Variants in ZDHHC11 observed in about 807,000 individuals in gnomAD.
ZDHHC11 encodes the protein palmitoyltransferase ZDHHC11.
Under a neutral mutation model 51.3 loss-of-function variants are expected in ZDHHC11, and 44 were observed. The observed-to-expected ratio is 0.86, with a 90% CI of 0.67 to 1.10. ZDHHC11 has a LOEUF of 1.10. Among genes scored for constraint, ZDHHC11 ranks in the 50% least tolerant of loss-of-function variants. ZDHHC11 has a pLI of 0.00. For missense variants in ZDHHC11, 400 were observed against 537.7 expected (o/e 0.74, Z 2.53); for synonymous variants, 163 against 222.0 (o/e 0.73, Z 2.36).
rs1376565367 is a variant in ZDHHC11 at position 840,484 on chromosome 5, G to A, written c.784+11C>T. ...CTTGGGGGGATCGGGGGCTTAGGGT[G>A]GGGGACATACTCAGGTAGATGTGGA... On this transcript the variant is annotated intron_variant, in intron 5 of 12. Coordinates refer to ENST00000283441, the MANE Select transcript of ZDHHC11 (RefSeq NM_024786.3). 3.7e-6 allele frequency: 6 copies of A among 1,613,424 alleles called. No homozygotes were observed. Among genetic ancestry groups the A allele is most frequent in the South Asian group, 1.1e-5 (1 of 91,082 alleles).
chr5:856,797 A>G (rs1748320725), intron 1 of ZDHHC11, among the ~76,000 whole-genome samples: 1 of 151,432 alleles, frequency 6.6e-6, no homozygotes, highest in Admixed American at 6.6e-5. Context: ...CAAACCACAC[A>G]CAGAGCACAC....
chr5:859,223 T>C (rs189683814), upstream of ZDHHC11, among the ~76,000 whole-genome samples: 26 of 152,156 alleles, frequency 1.7e-4, no homozygotes, highest in African/African-American at 6.0e-4. Flanking sequence ...TGGGCCCCAA[T>C]GCCTGCTTGT....
chr5:853,823 A>C (rs1312792956), upstream of ZDHHC11, among the ~76,000 whole-genome samples: 1 of 149,372 alleles, frequency 6.7e-6, no homozygotes, highest in Non-Finnish European at 1.5e-5. Flanking sequence ...CACCGAGGAC[A>C]GCCAGCTGGG....
rs1191751730 is a variant in ZDHHC11 at position 811,701 on chromosome 5, GGTGTAT to G, written c.1181+3054_1181+3059del. On this transcript the variant is annotated intron_variant, in intron 11 of 12. Coordinates refer to ENST00000283441, the MANE Select transcript of ZDHHC11 (RefSeq NM_024786.3). ...ACGCTATCGGCCACTCTCAAAATGAGGTGTATATTTAATATAATTTTGCTCCAAATT... is the reference window on the plus strand; with the variant it reads ...ACGCTATCGGCCACTCTCAAAATGAGATTTAATATAATTTTGCTCCAAATT... Among the ~76,000 whole-genome samples the G allele has an allele frequency of 5.3e-5, 8 of 151,154 alleles. 1 individual carries two copies. The East Asian group carries it at 5.8e-4, about 11-fold the overall frequency.
chr5:860,116 G>A (rs1168580301), upstream of ZDHHC11, among the ~76,000 whole-genome samples: 7 of 152,214 alleles, frequency 4.6e-5, no homozygotes, highest in South Asian at 2.1e-4. This position sits in a 1 kb window ranked among gnomAD's most constrained non-coding sequence, Gnocchi z 4.2. Context: ...GGGCACACAC[G>A]AGGTACACAA....
At chr5:849,070 C>T (rs1178551362) in intron 1 of ZDHHC11, among the ~76,000 whole-genome samples, 1 of 152,114 alleles carries the variant, frequency 6.6e-6, no homozygotes, top group African/African-American at 2.4e-5. Context: ...GCACACACAG[C>T]CCTGCTCACC....
At position 814,754 on chromosome 5, in the gene ZDHHC11, A is replaced by T. The variant is rs763331944; in HGVS notation, c.1181+7T>A. On this transcript the variant is annotated splice_region_variant and intron_variant, in intron 11 of 12. Transcript: ENST00000283441. ...ACAAAACGTTCCCGTTAAACTTACG[A>T]ACTTACCCAAGTGTAGATATACTCG... 3 of 1,560,356 alleles carry T rather than the reference A, an allele frequency of 1.9e-6. No homozygotes were observed. The highest frequency in any genetic ancestry group is 1.4e-5 in the African/African-American group (1 of 73,114).
chr5:810,446 G>T (rs1579572424), intron 11 of ZDHHC11, among the ~76,000 whole-genome samples: 1 of 151,492 alleles, frequency 6.6e-6, no homozygotes, highest in Admixed American at 6.6e-5. Context: ...TCCACCACTA[G>T]AGACACTATA....
Position 801,111 on chromosome 5 carries a change from T to G in ZDHHC11, c.1235A>C (p.Asp412Ala), listed in dbSNP as rs1738350367. 2 of 1,610,020 alleles carry G rather than the reference T, an allele frequency of 1.2e-6. No individual in the cohort carries two copies. Among genetic ancestry groups the G allele is most frequent in the Non-Finnish European group, 1.7e-6 (2 of 1,176,854 alleles). The change falls in exon 12 of 13, where the codon GAC (aspartate) becomes GCC (alanine). Residue 412 changes from aspartate to alanine, a missense_variant. Coordinates refer to ENST00000283441, the MANE Select transcript of ZDHHC11 (RefSeq NM_024786.3). ...PMKTDSAESE[D>A] ...GCCACGTATCTTACCTGAATCTCAGTCTTCACTTTCAGCACTGTCAGTTTT... is the reference window on the plus strand; with the variant it reads ...GCCACGTATCTTACCTGAATCTCAGGCTTCACTTTCAGCACTGTCAGTTTT...
At chr5:834,558 T>C (rs1304538237) in intron 6 of ZDHHC11, among the ~76,000 whole-genome samples, 2 of 152,234 alleles carry the variant, frequency 1.3e-5, no homozygotes, top group African/African-American at 2.4e-5. Flanking sequence ...GAAAGCTCTT[T>C]GTGTCTTTGT....
intron 11 of ZDHHC11, among the ~76,000 whole-genome samples, chr5:810,131 A>C (rs149504466): frequency 0.18 from 4,241 of 23,412 alleles, 203 homozygotes; most frequent in East Asian, 0.38. Flanking sequence ...AGGAACAGGC[A>C]GCTCCTGGGA....
At chr5:841,325 CCTTA>C (rs35107386) in intron 4 of ZDHHC11, 14,509 of 956,408 alleles carry the variant, frequency 0.015, 77 homozygotes, top group Admixed American at 0.067. Context: ...CCCACCCCTT[CCTTA>C]CTAAGTGCCG....
intron 6 of ZDHHC11, among the ~76,000 whole-genome samples, chr5:834,120 G>T (rs1408257362): frequency 6.6e-5 from 10 of 152,308 alleles, no homozygotes; most frequent in Non-Finnish European, 1.5e-4. Flanking sequence ...CAGGAGACTT[G>T]CAATTTCTCT....
At chr5:797,910 G>T (rs1184338341) in intron 12 of ZDHHC11, among the ~76,000 whole-genome samples, 1 of 150,692 alleles carries the variant, frequency 6.6e-6, no homozygotes, top group African/African-American at 2.4e-5. Context: ...CTTGGCTCCT[G>T]GGAATGACCA....
intron 11 of ZDHHC11, among the ~76,000 whole-genome samples, chr5:802,874 A>AAAAAAAAAAAG: frequency 1.0e-5 from 1 of 96,326 alleles, no homozygotes; most frequent in East Asian, 2.9e-4. Context: ...AAAAAAAAAA[A>AAAAAAAAAAAG]GCTAAATGTG....
intron 7 of ZDHHC11, among the ~76,000 whole-genome samples, chr5:832,254 C>T (rs1175277794): frequency 1.1e-5 from 1 of 91,034 alleles, no homozygotes; most frequent in South Asian, 3.3e-4. Context: ...AGCTAAGCTA[C>T]GAGGATGCAA....
chr5:802,497 A>G (rs1193700952), intron 11 of ZDHHC11, among the ~76,000 whole-genome samples: 2 of 143,804 alleles, frequency 1.4e-5, no homozygotes, highest in Non-Finnish European at 3.0e-5. Context: ...TTGTGTTGTA[A>G]AAGTGTGTAA....
chr5:837,855 G>A (rs1489005885), intron 5 of ZDHHC11, among the ~76,000 whole-genome samples: 8 of 151,942 alleles, frequency 5.3e-5, no homozygotes, highest in Admixed American at 1.3e-4. Flanking sequence ...CCCTGGGATC[G>A]CTGGCAGGGG....
upstream of ZDHHC11, among the ~76,000 whole-genome samples, chr5:859,839 C>A (rs369579908): frequency 1.3e-5 from 2 of 151,462 alleles, no homozygotes; most frequent in African/African-American, 2.5e-5. Flanking sequence ...ATTTCCAGTT[C>A]GTGTCGGTTG....
Sources: allele counts gnomAD v4.1 joint callset (sites outside exome capture counted in the v4.1 genomes callset), GRCh38; gene constraint gnomAD v4.1.1; non-coding constraint Gnocchi (gnomAD v3.1); transcripts MANE v1.5; gene names NCBI Gene and HGNC (gene_info 2026-07-23, HGNC 2026-07-21).